The following INPP5A variants were observed in gnomAD, a reference collection of about 807,000 sequenced individuals.
INPP5A encodes the protein 43 kDa inositol polyphosphate 5-phophatase.
Under a neutral mutation model 65.2 loss-of-function variants are expected in INPP5A, and 14 were observed. That is an observed-to-expected ratio of 0.21 (90% CI 0.14 to 0.34). The LOEUF is 0.34. Ranked by LOEUF, INPP5A falls within the 10% of genes least tolerant of loss-of-function variation. The probability of loss-of-function intolerance (pLI) is 1.00; values close to 1 mark genes in which losing one functional copy is unlikely to be tolerated. For synonymous variants in INPP5A, 207 were observed against 208.3 expected (o/e 0.99, Z 0.05); for missense variants, 431 against 545.6 (o/e 0.79, Z 2.09).
Position 132,538,220 on chromosome 10 carries a change from C to G in INPP5A, c.75+49C>G. On this transcript the variant is annotated intron_variant, in intron 1 of 15. Coordinates refer to ENST00000368594, the MANE Select transcript of INPP5A (RefSeq NM_005539.5). The surrounding 1 kb of genome is among the most constrained non-coding windows in gnomAD (Gnocchi z 4.1). The stretch of plus-strand genomic sequence containing the variant: ...GGCCCCAAGCCCGGAACCCCCGACC[C>G]TGACCCCGGGGTCCCGAACTGCAAG... The G allele has an allele frequency of 8.7e-7, 1 of 1,154,934 alleles. No homozygotes were observed. The highest frequency in any genetic ancestry group is 3.4e-5 in the South Asian group (1 of 29,006). 71.5% of individuals were successfully genotyped at this position (1,154,934 alleles called of 1,614,324 possible).
At chr10:132,715,750 C>T (rs1435611059) in intron 8 of INPP5A, among the ~76,000 whole-genome samples, 4 of 152,240 alleles carry the variant, frequency 2.6e-5, no homozygotes, top group Non-Finnish European at 4.4e-5. Flanking sequence ...GGCTGGTTCT[C>T]GCGCTCCTCA....
In INPP5A at chr10:132,555,223, G is replaced by A. The variant is rs983343562; in HGVS notation, c.75+17052G>A. 2.6e-5 allele frequency among the ~76,000 whole-genome samples: 4 copies of A among 151,972 alleles called. No individual in the cohort carries two copies. Among genetic ancestry groups the A allele is most frequent in the Non-Finnish European group, 5.9e-5 (4 of 67,962 alleles). ...GACCAGGTGCTGCAGGCTGGGTGGT[G>A]ATATGTGATGGTGCTCAGGCCCCTG... On this transcript the variant is annotated intron_variant, in intron 1 of 15. Transcript: ENST00000368594. This position sits in a 1 kb window ranked among gnomAD's most constrained non-coding sequence, Gnocchi z 4.4.
intron 1 of INPP5A, among the ~76,000 whole-genome samples, chr10:132,554,390 T>C (rs1039339935): frequency 2.0e-5 from 3 of 152,128 alleles, no homozygotes; most frequent in Non-Finnish European, 2.9e-5. Flanking sequence ...GCAGAGGGTC[T>C]CCTGGGCAAG....
chr10:132,634,345 C>T (rs149345061), intron 2 of INPP5A, among the ~76,000 whole-genome samples: 2,024 of 149,388 alleles, frequency 0.014, 19 homozygotes, highest in Middle Eastern at 0.045. Flanking sequence ...GGTGGGTGTG[C>T]CCCGGAGAGG....
chr10:132,744,984 C>T (rs1199060726), intron 9 of INPP5A, among the ~76,000 whole-genome samples: 3 of 152,158 alleles, frequency 2.0e-5, no homozygotes, highest in Non-Finnish European at 2.9e-5. Context: ...TTGCGAGGCC[C>T]GGGCTGCCCG....
At chr10:132,624,776 T>C (rs1464407032) in intron 2 of INPP5A, among the ~76,000 whole-genome samples, 1 of 152,146 alleles carries the variant, frequency 6.6e-6, no homozygotes, top group Non-Finnish European at 1.5e-5. Context: ...GGACTTAGAA[T>C]GTCCAGAGGG....
intron 9 of INPP5A, among the ~76,000 whole-genome samples, chr10:132,733,792 A>G (rs1846128510): frequency 6.6e-6 from 1 of 152,198 alleles, no homozygotes; most frequent in African/African-American, 2.4e-5. Flanking sequence ...CGGCCTCTGC[A>G]CCTGAACAGG....
chr10:132,711,726 C>G (rs540186997), intron 8 of INPP5A, among the ~76,000 whole-genome samples: 1 of 152,364 alleles, frequency 6.6e-6, no homozygotes, highest in South Asian at 2.1e-4. Flanking sequence ...CTCCCACCCA[C>G]ACCTGTCTTA....
At chr10:132,598,166 G>C (rs2071731912) in intron 1 of INPP5A, among the ~76,000 whole-genome samples, 1 of 152,208 alleles carries the variant, frequency 6.6e-6, no homozygotes, top group African/African-American at 2.4e-5. Context: ...TCTCAGACGT[G>C]TGGAGACTCA....
intron 2 of INPP5A, among the ~76,000 whole-genome samples, chr10:132,634,321 G>GT (rs2072312183): frequency 6.8e-6 from 1 of 146,680 alleles, no homozygotes; most frequent in African/African-American, 2.7e-5. Flanking sequence ...CCGGAGAGGC[G>GT]TATCATCTCC....
At position 132,568,753 on chromosome 10, in the gene INPP5A, G is replaced by A. The variant is rs796250871; in HGVS notation, c.75+30582G>A. 7.3e-5 allele frequency among the ~76,000 whole-genome samples: 11 copies of A among 150,862 alleles called. 1 individual carries two copies. Among genetic ancestry groups the A allele is most frequent in the African/African-American group, 2.5e-4 (10 of 40,708 alleles). Reference sequence around the variant, plus strand: ...GCCTGGGCGACAAGAGTGAAACTCTGTCTCAAACAAAACAAAACAAAACAC... The same window carrying A: ...GCCTGGGCGACAAGAGTGAAACTCTATCTCAAACAAAACAAAACAAAACAC... On this transcript the variant is annotated intron_variant, in intron 1 of 15. Coordinates refer to ENST00000368594, the MANE Select transcript of INPP5A (RefSeq NM_005539.5).
rs752218319 is a variant in INPP5A, at chr10:132,645,917, T to G, written c.167T>G (p.Phe56Cys). Reference sequence around the variant, plus strand: ...TTCATGGCCTTGCACTGTCAGGAGTTTGGAGGGAAGAACTACGAGGCCTCC... The same window carrying G: ...TTCATGGCCTTGCACTGTCAGGAGTGTGGAGGGAAGAACTACGAGGCCTCC... ...PHFMALHCQE[F>C]GGKNYEASMS... Residue 56 changes from phenylalanine to cysteine, a missense_variant, in exon 3 of 16, where the codon TTT (phenylalanine) becomes TGT (cysteine). Phe to Cys is a radical substitution (Grantham distance 205). Transcript: ENST00000368594. 1 of 1,614,010 alleles carries G rather than the reference T, an allele frequency of 6.2e-7. No homozygotes were observed. The highest frequency in any genetic ancestry group is 1.7e-5 in the Admixed American group (1 of 60,010).
intron 12 of INPP5A, among the ~76,000 whole-genome samples, chr10:132,775,141 A>AGAGGGGCAGGGAGGACGGGCAGGGAG (rs1591006428): frequency 6.6e-4 from 6 of 9,048 alleles, no homozygotes; most frequent in Non-Finnish European, 1.1e-3. Flanking sequence ...CAGGGAGGAG[A>AGAGGGGCAGGGAGGACGGGCAGGGAG]GAGGGGCAGG....
At chr10:132,685,445 G>A (rs886700499) in intron 4 of INPP5A, among the ~76,000 whole-genome samples, 7 of 152,250 alleles carry the variant, frequency 4.6e-5, no homozygotes, top group African/African-American at 1.7e-4. Flanking sequence ...GCTCATGTGC[G>A]TCCCTTAGCG....
At chr10:132,619,061 A>G (rs557772661) in intron 2 of INPP5A, among the ~76,000 whole-genome samples, 4 of 152,230 alleles carry the variant, frequency 2.6e-5, no homozygotes, top group African/African-American at 9.6e-5. Flanking sequence ...AAATACAATC[A>G]TCCCTTCTCA....
chr10:132,720,153 T>C (rs1845839064), intron 8 of INPP5A, among the ~76,000 whole-genome samples: 1 of 149,958 alleles, frequency 6.7e-6, no homozygotes, highest in South Asian at 2.1e-4. Flanking sequence ...TCTTCAGGGT[T>C]CTGTGGTACC....
chr10:132,716,166 G>A (rs1379092967), intron 8 of INPP5A, among the ~76,000 whole-genome samples: 7 of 152,344 alleles, frequency 4.6e-5, no homozygotes, highest in Admixed American at 2.6e-4. Context: ...CACCCTGCAC[G>A]TTCTCCGCAT....
chr10:132,759,976 G>T (rs541770536), intron 11 of INPP5A, among the ~76,000 whole-genome samples: 1 of 152,206 alleles, frequency 6.6e-6, no homozygotes, highest in Admixed American at 6.5e-5. Flanking sequence ...GCTCAGCCAC[G>T]CAGCACCGTG....
chr10:132,628,119 C>T (rs1196217210), intron 2 of INPP5A, among the ~76,000 whole-genome samples: 1 of 152,222 alleles, frequency 6.6e-6, no homozygotes, highest in Non-Finnish European at 1.5e-5. Flanking sequence ...TAAAAGCAGA[C>T]CTCCTGCCAG....
Sources: gnomAD v4.1 joint callset for allele counts (sites outside exome capture counted in the v4.1 genomes callset) on GRCh38, gnomAD v4.1.1 for gene constraint, Gnocchi (gnomAD v3.1) non-coding constraint, MANE v1.5 for transcripts, NCBI Gene and HGNC (gene_info 2026-07-23, HGNC 2026-07-21) for gene names.